LRRC4C: variants seen among roughly 807,000 people sequenced by gnomAD.
The protein encoded by LRRC4C is leucine-rich repeat-containing protein 4C.
A neutral mutation model predicts 33.6 loss-of-function variants in LRRC4C; 5 were observed. The ratio of observed to expected loss-of-function variants is 0.15; its 90% CI spans 0.08 to 0.31. The LOEUF (loss-of-function observed/expected upper bound fraction) is 0.31, where lower values mean the gene tolerates loss of function less well. Ranked by LOEUF, LRRC4C falls within the 10% of genes least tolerant of loss-of-function variation. The probability of loss-of-function intolerance (pLI) is 1.00; values close to 1 mark genes in which losing one functional copy is unlikely to be tolerated. For missense variants in LRRC4C, 560 were observed against 796.7 expected, an observed-to-expected ratio of 0.70 and a Z score of 3.58; for synonymous variants, 329 against 302.0, an observed-to-expected ratio of 1.09 and a Z score of -0.93.
intron 2 of LRRC4C, among the ~76,000 whole-genome samples, chr11:40,687,059 T>A (rs1413246985): frequency 6.6e-6 from 1 of 152,172 alleles, no homozygotes; most frequent in Non-Finnish European, 1.5e-5. Flanking sequence ...GCTAGATTAA[T>A]CACTCTCAGG....
Position 40,470,195 on chromosome 11 carries a change from C to G in LRRC4C, c.-269-150474G>C, listed in dbSNP as rs118146758. On this transcript the variant is annotated intron_variant, in intron 3 of 6. Coordinates refer to ENST00000528697, the MANE Select transcript of LRRC4C (RefSeq NM_001258419.2). ...AGCTTTCAATGGAAAAAACAGGCAG[C>G]AATGTTTGCTGTTCTGCAGCTTCTG... 1.4e-4 allele frequency among the ~76,000 whole-genome samples: 21 copies of G among 152,320 alleles called. No individual in the cohort carries two copies. The East Asian group carries it at 2.9e-3, about 21-fold the overall frequency.
At chr11:40,801,739 G>A (rs1021742862) in intron 2 of LRRC4C, among the ~76,000 whole-genome samples, 1 of 152,072 alleles carries the variant, frequency 6.6e-6, no homozygotes, top group Non-Finnish European at 1.5e-5. Flanking sequence ...GTCACAAACA[G>A]TTGAGTACCA....
intron 3 of LRRC4C, among the ~76,000 whole-genome samples, chr11:40,400,520 A>G (rs564476121): frequency 2.6e-4 from 40 of 152,190 alleles, no homozygotes; most frequent in South Asian, 6.2e-4. Flanking sequence ...CCACAGGTCA[A>G]AATTCTTTAA....
intron 1 of LRRC4C, among the ~76,000 whole-genome samples, chr11:41,224,669 A>G (rs150760947): frequency 3.5e-3 from 527 of 152,300 alleles, no homozygotes; most frequent in Non-Finnish European, 5.7e-3. Context: ...GAAATACTGT[A>G]TTCAATCTTG....
chr11:40,181,077 T>C (rs186792436), intron 5 of LRRC4C, among the ~76,000 whole-genome samples: 3 of 152,318 alleles, frequency 2.0e-5, no homozygotes, highest in Non-Finnish European at 4.4e-5. Flanking sequence ...TTTGTCGTAA[T>C]GGTCAGCCTG....
Position 40,664,507 on chromosome 11 carries a change from T to C in LRRC4C, c.-406-16229A>G, listed in dbSNP as rs545768941. ...TTGCAGTGAGCCGAGATCACACCAC[T>C]TCACTCCAGCCTGAGCGAAAGAGCG... On this transcript the variant is annotated intron_variant, in intron 2 of 6. Transcript: ENST00000528697. 3.9e-5 allele frequency among the ~76,000 whole-genome samples: 6 copies of C among 152,076 alleles called. No individual in the cohort carries two copies. In the East Asian group the frequency reaches 1.2e-3, roughly 30 times the overall value.
intron 2 of LRRC4C, among the ~76,000 whole-genome samples, chr11:40,840,163 A>C (rs2135632717): frequency 6.6e-6 from 1 of 152,336 alleles, no homozygotes; most frequent in East Asian, 1.9e-4. Context: ...AAAGTTATAG[A>C]GATAATATTA....
intron 1 of LRRC4C, among the ~76,000 whole-genome samples, chr11:41,168,278 C>G (rs1204929320): frequency 6.6e-6 from 1 of 152,192 alleles, no homozygotes; most frequent in African/African-American, 2.4e-5. Flanking sequence ...TGTTAAAAAA[C>G]TGATGAGCTA....
At chr11:40,587,426 G>A (rs1214196423) in intron 3 of LRRC4C, among the ~76,000 whole-genome samples, 1 of 148,528 alleles carries the variant, frequency 6.7e-6, no homozygotes, top group African/African-American at 2.5e-5. Flanking sequence ...TGCAAACAGG[G>A]ACAATTTCAC....
chr11:40,166,781 A>T (rs1480694245), intron 5 of LRRC4C, among the ~76,000 whole-genome samples: 1 of 152,184 alleles, frequency 6.6e-6, no homozygotes, highest in East Asian at 1.9e-4. Context: ...ATTAAATAAA[A>T]TGAAAAAGAC....
intron 1 of LRRC4C, among the ~76,000 whole-genome samples, chr11:41,028,711 T>C (rs181566719): frequency 1.7e-4 from 26 of 151,802 alleles, no homozygotes; most frequent in African/African-American, 6.3e-4. Context: ...TAGTTGCTAA[T>C]TTATCCAATA....
chr11:40,151,991 C>T (rs966320349), intron 5 of LRRC4C, among the ~76,000 whole-genome samples: 1 of 152,186 alleles, frequency 6.6e-6, no homozygotes, highest in Non-Finnish European at 1.5e-5. Context: ...GACAGAGCAG[C>T]ATCCAGAGGC....
intron 3 of LRRC4C, among the ~76,000 whole-genome samples, chr11:40,450,241 A>C (rs1951823235): frequency 6.6e-6 from 1 of 152,156 alleles, no homozygotes; most frequent in Non-Finnish European, 1.5e-5. Context: ...CATTCTCAGT[A>C]GTGGTAACAG....
At chr11:40,364,176 C>T (rs1012593483) in intron 3 of LRRC4C, among the ~76,000 whole-genome samples, 8 of 152,008 alleles carry the variant, frequency 5.3e-5, no homozygotes, top group African/African-American at 1.9e-4. Flanking sequence ...TTTCTGGTGT[C>T]CAAACACAAC....
At chr11:40,813,726 T>C (rs1951588232) in intron 2 of LRRC4C, among the ~76,000 whole-genome samples, 1 of 152,106 alleles carries the variant, frequency 6.6e-6, no homozygotes. Flanking sequence ...ACTTACTAGA[T>C]ACAATGAGGG....
chr11:41,341,767 G>C (rs12578003), intron 1 of LRRC4C, among the ~76,000 whole-genome samples: 27,148 of 152,120 alleles, frequency 0.18, 2,821 homozygotes, highest in East Asian at 0.45. Context: ...TTGCAACATA[G>C]TTTCAGGTAA....
At chr11:40,303,034 T>C (rs1944854004) in intron 4 of LRRC4C, among the ~76,000 whole-genome samples, 1 of 152,118 alleles carries the variant, frequency 6.6e-6, no homozygotes, top group African/African-American at 2.4e-5. Flanking sequence ...TTTTTTTCTT[T>C]TTGGGGAGTT....
At chr11:40,287,370 T>G (rs1233591820) in intron 4 of LRRC4C, among the ~76,000 whole-genome samples, 1 of 151,944 alleles carries the variant, frequency 6.6e-6, no homozygotes, top group Non-Finnish European at 1.5e-5. Context: ...GGTATATATG[T>G]GCGTGCCTGC....
At chr11:40,722,382 C>T (rs1947063141) in intron 2 of LRRC4C, among the ~76,000 whole-genome samples, 1 of 152,114 alleles carries the variant, frequency 6.6e-6, no homozygotes, top group African/African-American at 2.4e-5. Flanking sequence ...TACTCTTACG[C>T]GCCGTCTACT....
Sources: gnomAD v4.1 joint callset for allele counts (sites outside exome capture counted in the v4.1 genomes callset) on GRCh38, gnomAD v4.1.1 for gene constraint, MANE v1.5 for transcripts, NCBI Gene and HGNC (gene_info 2026-07-23, HGNC 2026-07-21) for gene names.